Variants in MATN3 observed in about 807,000 individuals in gnomAD.
The protein encoded by MATN3 is matrilin-3.
In MATN3, 48 loss-of-function variants were observed where a neutral mutation model predicts 45.3. The ratio of observed to expected loss-of-function variants is 1.06; its 90% CI spans 0.84 to 1.35. The LOEUF (loss-of-function observed/expected upper bound fraction) is 1.35. Among genes scored for constraint, MATN3 ranks in the 40% most tolerant of loss-of-function variants. The probability of loss-of-function intolerance (pLI) is 0.00; values close to 1 mark genes in which losing one functional copy is unlikely to be tolerated. For missense variants in MATN3, 599 were observed against 628.0 expected (o/e 0.95, Z 0.49); for synonymous variants, 217 against 245.9 (o/e 0.88, Z 1.10).
intron 3 of MATN3, among the ~76,000 whole-genome samples, chr2:20,002,472 A>G (rs1479007018): frequency 1.3e-5 from 2 of 152,160 alleles, no homozygotes; most frequent in Non-Finnish European, 2.9e-5. Context: ...CTTCTTTGCT[A>G]CTTCTAGATT....
chr2:20,000,674 G>A, intron 4 of MATN3, 108 bp from the exon 5 acceptor site: 1 of 1,136,636 alleles, frequency 8.8e-7, no homozygotes, highest in Non-Finnish European at 1.2e-6. Context: ...AAACTTACTG[G>A]AAACTATTCA....
intron 1 of MATN3, among the ~76,000 whole-genome samples, chr2:20,006,791 C>T (rs1365076358): frequency 2.6e-5 from 4 of 152,234 alleles, no homozygotes; most frequent in African/African-American, 9.6e-5. Flanking sequence ...CACTCAGGGG[C>T]TCTTCTGGTG....
intron 3 of MATN3, among the ~76,000 whole-genome samples, chr2:20,002,848 C>T (rs890693703): frequency 1.3e-5 from 2 of 152,018 alleles, no homozygotes; most frequent in Admixed American, 6.6e-5. Flanking sequence ...ACTATCCTAC[C>T]ATCTCAGCCT....
chr2:20,009,102 G>A (rs1273138359), intron 1 of MATN3, among the ~76,000 whole-genome samples: 9 of 151,792 alleles, frequency 5.9e-5, no homozygotes, highest in African/African-American at 2.2e-4. Context: ...GCAGGCACCT[G>A]TAGTCCCAGC....
intron 1 of MATN3, among the ~76,000 whole-genome samples, chr2:20,007,241 G>C (rs1249353680): frequency 6.7e-6 from 1 of 149,702 alleles, no homozygotes; most frequent in Admixed American, 6.7e-5. Flanking sequence ...TAAGTAGAAA[G>C]AGGGGCCCGG....
At chr2:19,997,315 C>A in intron 5 of MATN3, 56 bp from the exon 6 acceptor site, 1 of 1,516,778 alleles carries the variant, frequency 6.6e-7, no homozygotes, top group Non-Finnish European at 8.9e-7. Context: ...GAAAAGTAAA[C>A]ACAAATGTTT....
chr2:20,003,348 C>T, intron 2 of MATN3, 62 bp from the exon 3 acceptor site: 1 of 1,492,246 alleles, frequency 6.7e-7, no homozygotes, highest in Non-Finnish European at 9.1e-7. Flanking sequence ...GATACCGTCT[C>T]CCATGTCAAT....
chr2:20,005,991 T>C lies in MATN3; in HGVS notation c.543A>G (p.Arg181=). ...CCTTAGGGATGTTAGAAGAGGGCTCTCGAGCCCCTGCCTCCACTGTGAAGG... is the reference window on the plus strand; with the variant it reads ...CCTTAGGGATGTTAGAAGAGGGCTCCCGAGCCCCTGCCTCCACTGTGAAGG... ...DEAFTVEAGA[R]EPSSNIPKVA... Residue 181 remains arginine, a synonymous_variant, in exon 2 of 8, where the codon CGA becomes CGG. Coordinates refer to ENST00000407540, the MANE Select transcript of MATN3 (RefSeq NM_002381.5). 1 of 1,613,980 alleles carries C rather than the reference T, an allele frequency of 6.2e-7. No homozygotes were observed. The highest frequency in any genetic ancestry group is 8.5e-7 in the Non-Finnish European group (1 of 1,179,892).
intron 1 of MATN3, among the ~76,000 whole-genome samples, chr2:20,010,066 CTAAAAAAAAAA>C (rs1295549843): frequency 7.2e-4 from 4 of 5,564 alleles, no homozygotes; most frequent in Non-Finnish European, 9.9e-4. Flanking sequence ...TCTTCAAATA[CTAAAAAAAAAA>C]AAAAAAAAAA....
At chr2:20,003,019 ACTG>A (rs1673017367) in intron 3 of MATN3, 139 bp downstream of exon 3, 3 of 837,852 alleles carry the variant, frequency 3.6e-6, no homozygotes, top group Non-Finnish European at 5.4e-6. Context: ...TTCAGGGAAA[ACTG>A]CTGATGAACA....
At chr2:20,003,010 T>A in intron 3 of MATN3, 151 bp downstream of exon 3, 1 of 768,790 alleles carries the variant, frequency 1.3e-6, no homozygotes, top group Non-Finnish European at 2.0e-6. Context: ...AAGCTCCTTT[T>A]CAGGGAAAAC....
Position 20,005,937 on chromosome 2 carries a change from G to T in MATN3, c.597C>A (p.Pro199=). The T allele has an allele frequency of 6.2e-7, 1 of 1,613,770 alleles. No individual in the cohort carries two copies. Reference sequence around the variant, plus strand: ...CCGCCACCTCATTCACCTGGTCCTGGGGCCTCCCATCTGTAACAATGATGG... The same window carrying T: ...CCGCCACCTCATTCACCTGGTCCTGTGGCCTCCCATCTGTAACAATGATGG... ...KVAIIVTDGR[P]QDQVNEVAAR... is the part of the protein sequence containing the mutation. Residue 199 remains proline (P), a synonymous_variant, in exon 2 of 8, where the codon CCC becomes CCA. Transcript: ENST00000407540.
chr2:19,996,456 GA>G (rs907436398), intron 6 of MATN3, among the ~76,000 whole-genome samples: 1 of 152,024 alleles, frequency 6.6e-6, no homozygotes, highest in Non-Finnish European at 1.5e-5. Flanking sequence ...ACCAGGAAAT[GA>G]AAAAAACATC....
chr2:20,006,427 C>T lies in MATN3; in HGVS notation c.224-117G>A, dbSNP rs528807968. ...GCAGCATCTCCTGACCCCAACATCA[C>T]CACTGCCTGCGACCTTCCCCAAGAC... On this transcript the variant is annotated intron_variant, in intron 1 of 7. Transcript: ENST00000407540. 18 of 713,158 alleles carry T rather than the reference C, an allele frequency of 2.5e-5. No homozygotes were observed. The South Asian group carries it at 3.6e-4, about 14-fold the overall frequency. 44.2% of individuals were successfully genotyped at this position (713,158 alleles called of 1,614,324 possible).
At chr2:20,003,374 G>A in intron 2 of MATN3, 88 bp from the exon 3 acceptor site, 1 of 1,327,532 alleles carries the variant, frequency 7.5e-7, no homozygotes, top group Non-Finnish European at 1.0e-6. Context: ...TTGCTCTCTG[G>A]GCTCCTTTCC....
chr2:20,012,331 G>A lies in MATN3; in HGVS notation c.223+78C>T. On this transcript the variant is annotated intron_variant, in intron 1 of 7. Transcript: ENST00000407540. The surrounding 1 kb of genome is among the most constrained non-coding windows in gnomAD (Gnocchi z 4.3). ...CCGCACCACGGTCGGCCTGAGGCCGGGATGAAGCGCGCTTGGTGGATGCCC... is the reference window on the plus strand; with the variant it reads ...CCGCACCACGGTCGGCCTGAGGCCGAGATGAAGCGCGCTTGGTGGATGCCC... 1 of 1,128,450 alleles carries A rather than the reference G, an allele frequency of 8.9e-7. No homozygotes were observed. The highest frequency in any genetic ancestry group is 1.1e-6 in the Non-Finnish European group (1 of 896,004). 69.9% of individuals were successfully genotyped at this position (1,128,450 alleles called of 1,614,324 possible).
intron 5 of MATN3, 25 bp downstream of exon 5, chr2:20,000,415 GA>G: frequency 1.3e-6 from 2 of 1,583,122 alleles, no homozygotes; most frequent in Non-Finnish European, 1.7e-6. Context: ...ACCCAAGTAT[GA>G]AAGAATTTTT....
chr2:20,002,996 C>T (rs917208515), intron 3 of MATN3, among the ~76,000 whole-genome samples, 165 bp downstream of exon 3: 6 of 152,182 alleles, frequency 3.9e-5, no homozygotes, highest in African/African-American at 1.4e-4. Context: ...TCACTTTTCT[C>T]CCTAAGCTCC....
chr2:19,999,626 TAAAAAAAAA>T (rs56100312), intron 5 of MATN3, among the ~76,000 whole-genome samples: 9 of 120,192 alleles, frequency 7.5e-5, no homozygotes, highest in Admixed American at 2.7e-4. Flanking sequence ...GGTTTCCCTT[TAAAAAAAAA>T]AAAAAAAAAA....
Sources: gnomAD v4.1 joint callset for allele counts (sites outside exome capture counted in the v4.1 genomes callset) on GRCh38, gnomAD v4.1.1 for gene constraint, Gnocchi (gnomAD v3.1) non-coding constraint, MANE v1.5 for transcripts, NCBI Gene and HGNC (gene_info 2026-07-23, HGNC 2026-07-21) for gene names.